The following CSNK1G1 variants were observed in gnomAD, a reference collection of about 807,000 sequenced individuals.
CSNK1G1 encodes the protein casein kinase 1 gamma 1.
CSNK1G1 carries 22 observed loss-of-function variants against 59.6 expected under a neutral mutation model. The observed-to-expected ratio is 0.37, with a 90% CI of 0.26 to 0.53. The LOEUF is 0.53. Among genes scored for constraint, CSNK1G1 ranks in the 20% least tolerant of loss-of-function variants. CSNK1G1 has a pLI of 0.89. For missense variants in CSNK1G1, 384 were observed against 519.5 expected, an observed-to-expected ratio of 0.74 and a Z score of 2.54; for synonymous variants, 179 against 177.1, an observed-to-expected ratio of 1.01 and a Z score of -0.08.
At chr15:64,321,884 T>A (rs1193468624) in intron 1 of CSNK1G1, among the ~76,000 whole-genome samples, 1 of 152,232 alleles carries the variant, frequency 6.6e-6, no homozygotes, top group Non-Finnish European at 1.5e-5. Flanking sequence ...AAGCCTGAAT[T>A]ATTTTTCTAT....
At chr15:64,265,700 G>A (rs1489959519) in intron 2 of CSNK1G1, 5 of 350,736 alleles carry the variant, frequency 1.4e-5, no homozygotes, top group Non-Finnish European at 2.2e-5. Flanking sequence ...TTCAACCAAA[G>A]GGGTGAATGA....
At chr15:64,215,704 T>C (rs1368366981) in intron 5 of CSNK1G1, among the ~76,000 whole-genome samples, 1 of 152,246 alleles carries the variant, frequency 6.6e-6, no homozygotes, top group African/African-American at 2.4e-5. Context: ...AAGGAACTGT[T>C]GGAACTGCTT....
intron 2 of CSNK1G1, among the ~76,000 whole-genome samples, chr15:64,262,549 A>AT (rs1892751249): frequency 6.6e-6 from 1 of 152,222 alleles, no homozygotes; most frequent in African/African-American, 2.4e-5. Flanking sequence ...AAAGCCATAA[A>AT]CATCCACTAA....
At chr15:64,337,862 G>A (rs924158545) in intron 1 of CSNK1G1, among the ~76,000 whole-genome samples, 4 of 152,078 alleles carry the variant, frequency 2.6e-5, no homozygotes, top group Non-Finnish European at 5.9e-5. Flanking sequence ...CTTTGAATTT[G>A]TCTATCCTAG....
At chr15:64,199,456 C>T (rs115940713) in intron 10 of CSNK1G1, among the ~76,000 whole-genome samples, 81 of 152,138 alleles carry the variant, frequency 5.3e-4, no homozygotes, top group African/African-American at 1.9e-3. Context: ...CCCTGACAAC[C>T]GAAGTTTTCA....
chr15:64,191,714 G>T (rs975061130), intron 10 of CSNK1G1, among the ~76,000 whole-genome samples: 1 of 152,074 alleles, frequency 6.6e-6, no homozygotes, highest in Non-Finnish European at 1.5e-5. Flanking sequence ...TAACACTCTA[G>T]ATTGCTTCAT....
intron 1 of CSNK1G1, among the ~76,000 whole-genome samples, chr15:64,322,703 C>T (rs560191937): frequency 9.2e-5 from 14 of 152,106 alleles, no homozygotes; most frequent in African/African-American, 2.6e-4. Context: ...CATGGTAGTG[C>T]GCATCTGTAG....
intron 2 of CSNK1G1, among the ~76,000 whole-genome samples, chr15:64,266,635 T>C (rs1273533496): frequency 2.0e-5 from 3 of 151,970 alleles, no homozygotes; most frequent in Admixed American, 6.6e-5. Context: ...TAGAAAACTA[T>C]AGTAACCAAA....
chr15:64,324,571 T>C (rs929642529), intron 1 of CSNK1G1, among the ~76,000 whole-genome samples: 1 of 152,256 alleles, frequency 6.6e-6, no homozygotes, highest in Non-Finnish European at 1.5e-5. Flanking sequence ...GGCCACAGAC[T>C]GGAGGCTGCA....
At chr15:64,211,770 C>T (rs549265529) in intron 6 of CSNK1G1, among the ~76,000 whole-genome samples, 10 of 152,252 alleles carry the variant, frequency 6.6e-5, no homozygotes, top group Admixed American at 2.6e-4. Context: ...TAAGAAAGAG[C>T]GCCAGGATTT....
chr15:64,206,132 C>T (rs1004648628), intron 7 of CSNK1G1, among the ~76,000 whole-genome samples: 3 of 152,132 alleles, frequency 2.0e-5, no homozygotes, highest in Admixed American at 1.3e-4. Flanking sequence ...ATGGTGAAAC[C>T]CCGTCTCTAC....
At chr15:64,354,421 C>T (rs535122311) in intron 1 of CSNK1G1, among the ~76,000 whole-genome samples, 35 of 152,242 alleles carry the variant, frequency 2.3e-4, no homozygotes, top group Admixed American at 4.6e-4. Context: ...TCATGTATTT[C>T]GTGTTAATCC....
At chr15:64,205,861 T>A (rs899457361) in intron 7 of CSNK1G1, among the ~76,000 whole-genome samples, 1 of 152,118 alleles carries the variant, frequency 6.6e-6, no homozygotes, top group Non-Finnish European at 1.5e-5. Context: ...TCAAAGGGAA[T>A]GGGTGGAAGT....
intron 1 of CSNK1G1, among the ~76,000 whole-genome samples, chr15:64,321,018 T>C (rs1175609743): frequency 6.6e-6 from 1 of 152,066 alleles, no homozygotes; most frequent in East Asian, 1.9e-4. Flanking sequence ...AAATTCGTAA[T>C]ATAAAAGCAA....
chr15:64,247,110 G>T (rs1891801035), intron 4 of CSNK1G1, among the ~76,000 whole-genome samples: 1 of 152,132 alleles, frequency 6.6e-6, no homozygotes, highest in South Asian at 2.1e-4. Context: ...TCTTGTTCCT[G>T]TGTGCTAGAA....
intron 4 of CSNK1G1, among the ~76,000 whole-genome samples, chr15:64,222,263 C>T (rs927034379): frequency 1.4e-5 from 2 of 141,656 alleles, no homozygotes; most frequent in African/African-American, 5.3e-5. Flanking sequence ...ACAACACACA[C>T]CAGGGCCTGT....
chr15:64,322,232 C>T (rs541795950), intron 1 of CSNK1G1, among the ~76,000 whole-genome samples: 51 of 152,128 alleles, frequency 3.4e-4, no homozygotes, highest in Non-Finnish European at 1.2e-4. Context: ...CATGAAATAC[C>T]CACAAAGCAA....
chr15:64,282,577 A>C (rs1039573783), intron 2 of CSNK1G1, among the ~76,000 whole-genome samples: 4 of 152,182 alleles, frequency 2.6e-5, no homozygotes, highest in African/African-American at 9.7e-5. Flanking sequence ...TCTTTTTGTT[A>C]CTGGATCTGT....
At chr15:64,206,572 G>T (rs1423756284) in intron 7 of CSNK1G1, among the ~76,000 whole-genome samples, 1 of 95,938 alleles carries the variant, frequency 1.0e-5, no homozygotes, top group African/African-American at 4.2e-5. Context: ...GGGAAACAGA[G>T]TGAAACTCTG....
Sources: allele counts gnomAD v4.1 joint callset (sites outside exome capture counted in the v4.1 genomes callset), GRCh38; gene constraint gnomAD v4.1.1; transcripts MANE v1.5; gene names NCBI Gene and HGNC (gene_info 2026-07-23, HGNC 2026-07-21).